The following SIK3 variants were observed in gnomAD, a reference collection of about 807,000 sequenced individuals.
The protein encoded by SIK3 is SIK family kinase 3, also known as serine/threonine-protein kinase SIK3.
In SIK3, 28 loss-of-function variants were observed where a neutral mutation model predicts 144.2. The ratio of observed to expected loss-of-function variants is 0.19; its 90% CI spans 0.14 to 0.27. The LOEUF is 0.27. Ranked by LOEUF, SIK3 falls within the 10% of genes least tolerant of loss-of-function variation. SIK3 has a pLI of 1.00. For synonymous variants in SIK3, 686 were observed against 676.3 expected, an observed-to-expected ratio of 1.01 and a Z score of -0.22; for missense variants, 1,319 against 1,776.0, an observed-to-expected ratio of 0.74 and a Z score of 4.62.
intron 1 of SIK3, among the ~76,000 whole-genome samples, chr11:117,081,141 G>A (rs951750705): frequency 6.6e-6 from 1 of 151,856 alleles, no homozygotes; most frequent in Admixed American, 6.6e-5. Context: ...ATTGTGGTAT[G>A]TTCCCTTTTT....
At chr11:116,847,046 C>T (rs1002769578) in intron 23 of SIK3, among the ~76,000 whole-genome samples, 1 of 152,146 alleles carries the variant, frequency 6.6e-6, no homozygotes, top group East Asian at 1.9e-4. Flanking sequence ...GTCCAGAAAG[C>T]CAAGTGCCTC....
At chr11:116,872,937 A>AT (rs1255439063) in intron 13 of SIK3, among the ~76,000 whole-genome samples, 4 of 152,222 alleles carry the variant, frequency 2.6e-5, no homozygotes, top group African/African-American at 9.6e-5. Flanking sequence ...GAGAAAAAAA[A>AT]TCTCTGAATG....
intron 1 of SIK3, among the ~76,000 whole-genome samples, chr11:116,973,579 C>T (rs1023843428): frequency 2.0e-5 from 3 of 152,232 alleles, no homozygotes; most frequent in Middle Eastern, 3.4e-3. Flanking sequence ...TAATGACTTC[C>T]TTCCAGACAG....
intron 15 of SIK3, among the ~76,000 whole-genome samples, chr11:116,865,639 T>C (rs1396750449): frequency 2.0e-5 from 3 of 152,174 alleles, no homozygotes; most frequent in African/African-American, 7.2e-5. Context: ...TAACCTTAAA[T>C]TACACATTTC....
intron 1 of SIK3, among the ~76,000 whole-genome samples, chr11:117,086,698 A>G (rs1029166988): frequency 7.9e-5 from 12 of 151,302 alleles, no homozygotes; most frequent in Non-Finnish European, 1.6e-4. Flanking sequence ...CTCAAAAAAA[A>G]AAAAAGTCAG....
chr11:117,023,621 A>AAAAATATATATATATATATATAT (rs754624841), intron 1 of SIK3, among the ~76,000 whole-genome samples: 11 of 95,398 alleles, frequency 1.2e-4, no homozygotes, highest in Non-Finnish European at 1.9e-4. Flanking sequence ...AAAAAAAAAA[A>AAAAATATATATATATATATATAT]ATATATATAT....
At chr11:116,925,504 G>A (rs1458652612) in intron 4 of SIK3, among the ~76,000 whole-genome samples, 1 of 152,200 alleles carries the variant, frequency 6.6e-6, no homozygotes, top group African/African-American at 2.4e-5. Flanking sequence ...AACAGCCCTT[G>A]CTGCTGTTTT....
intron 1 of SIK3, among the ~76,000 whole-genome samples, chr11:116,979,035 C>G (rs187780472): frequency 6.6e-6 from 1 of 152,080 alleles, no homozygotes; most frequent in Non-Finnish European, 1.5e-5. Flanking sequence ...TTAAGCCATG[C>G]GCACAAGAAT....
intron 1 of SIK3, among the ~76,000 whole-genome samples, chr11:116,984,181 C>T (rs1950249401): frequency 6.6e-6 from 1 of 151,988 alleles, no homozygotes; most frequent in African/African-American, 2.4e-5. Flanking sequence ...ATCTCCCCAC[C>T]ACACTGAAAG....
chr11:116,983,031 C>T (rs1950203943), intron 1 of SIK3, among the ~76,000 whole-genome samples: 1 of 149,588 alleles, frequency 6.7e-6, no homozygotes, highest in South Asian at 2.1e-4. Context: ...AAAGGAATTA[C>T]TCATCATTCA....
intron 1 of SIK3, among the ~76,000 whole-genome samples, chr11:117,041,649 C>T (rs971166470): frequency 2.0e-5 from 3 of 152,066 alleles, no homozygotes; most frequent in African/African-American, 7.2e-5. Context: ...TTCAGAAAGA[C>T]TTTTCCAAGA....
At chr11:117,031,844 C>G (rs1952278804) in intron 1 of SIK3, among the ~76,000 whole-genome samples, 2 of 151,640 alleles carry the variant, frequency 1.3e-5, no homozygotes, top group Non-Finnish European at 2.9e-5. Flanking sequence ...ACCAGGCCAG[C>G]ATTTATTTTT....
At chr11:117,046,623 A>G (rs960206303) in intron 1 of SIK3, among the ~76,000 whole-genome samples, 1 of 152,214 alleles carries the variant, frequency 6.6e-6, no homozygotes, top group Non-Finnish European at 1.5e-5. Context: ...TCACGCCCAT[A>G]ATCCCAGCAC....
intron 1 of SIK3, among the ~76,000 whole-genome samples, chr11:117,060,675 T>C (rs1400760728): frequency 1.3e-5 from 2 of 152,028 alleles, no homozygotes; most frequent in Non-Finnish European, 2.9e-5. Context: ...AGGGAATTCT[T>C]AGGGTAGTGA....
intron 1 of SIK3, among the ~76,000 whole-genome samples, chr11:117,062,606 C>G (rs1022664759): frequency 1.3e-5 from 2 of 152,114 alleles, no homozygotes; most frequent in Non-Finnish European, 2.9e-5. Flanking sequence ...TCCAAATTCA[C>G]TTTAGTTTCA....
intron 1 of SIK3, among the ~76,000 whole-genome samples, chr11:117,038,091 A>G (rs79842631): frequency 0.025 from 3,750 of 152,242 alleles, 87 homozygotes; most frequent in South Asian, 0.11. Flanking sequence ...TGCACTAGAT[A>G]AGTGAATTTG....
chr11:117,055,213 T>C (rs1250502834), intron 1 of SIK3, among the ~76,000 whole-genome samples: 2 of 152,222 alleles, frequency 1.3e-5, no homozygotes, highest in African/African-American at 4.8e-5. Flanking sequence ...GGCAGCTCAA[T>C]ATTTTTGTAC....
At position 116,867,878 on chromosome 11, in the gene SIK3, G is replaced by C; in HGVS notation, c.1952+68C>G. 7.0e-7 allele frequency: 1 copy of C among 1,421,176 alleles called. No homozygotes were observed. The highest frequency in any genetic ancestry group is 1.5e-5 in the South Asian group (1 of 66,964). The allele number at this position is 1,421,176 out of a possible 1,614,324, so 88.0% of individuals were successfully genotyped here. The stretch of plus-strand genomic sequence containing the variant: ...CCACGATGCTAGTCACCGTCGCTGT[G>C]AGACTAATCAGAAGGGTGCCTGTCC... On this transcript the variant is annotated intron_variant, in intron 15 of 24. Transcript: ENST00000445177. This position sits in a 1 kb window ranked among gnomAD's most constrained non-coding sequence, Gnocchi z 4.1.
intron 1 of SIK3, 124 bp downstream of exon 1, chr11:117,098,019 C>T (rs1487077168): frequency 3.8e-5 from 44 of 1,145,416 alleles, no homozygotes; most frequent in Non-Finnish European, 4.7e-5. Context: ...GGCTCCCTCC[C>T]GCCTCCCGGC....
Sources: gnomAD v4.1 joint callset for allele counts (sites outside exome capture counted in the v4.1 genomes callset) on GRCh38, gnomAD v4.1.1 for gene constraint, Gnocchi (gnomAD v3.1) non-coding constraint, MANE v1.5 for transcripts, NCBI Gene and HGNC (gene_info 2026-07-23, HGNC 2026-07-21) for gene names.